The following PKD2L2 variants were observed in gnomAD, a reference collection of about 807,000 sequenced individuals.
The protein encoded by PKD2L2 is polycystin-2-like protein 2.
PKD2L2 carries 67 observed loss-of-function variants against 83.9 expected under a neutral mutation model. That is an observed-to-expected ratio of 0.80 (90% CI 0.66 to 0.98). The LOEUF is 0.98. PKD2L2 is among the 50% of genes least tolerant of loss of function. The pLI, the probability that PKD2L2 is intolerant of heterozygous loss-of-function variation, is 0.00. For missense variants in PKD2L2, 632 were observed against 717.2 expected, an observed-to-expected ratio of 0.88 and a Z score of 1.36; for synonymous variants, 223 against 237.8, an observed-to-expected ratio of 0.94 and a Z score of 0.57.
intron 5 of PKD2L2, among the ~76,000 whole-genome samples, chr5:137,903,231 T>C (rs1757105206): frequency 1.3e-5 from 2 of 152,210 alleles, no homozygotes; most frequent in Non-Finnish European, 2.9e-5. Context: ...ATGGCAGTTG[T>C]AGAGGTCCCA....
At chr5:137,893,397 T>G (rs1285031721) in intron 3 of PKD2L2, among the ~76,000 whole-genome samples, 1 of 152,190 alleles carries the variant, frequency 6.6e-6, no homozygotes, top group Admixed American at 6.5e-5. Context: ...CATAGCAACA[T>G]GCTCACATTA....
At chr5:137,901,085 G>A (rs543190181) in intron 5 of PKD2L2, among the ~76,000 whole-genome samples, 8 of 151,360 alleles carry the variant, frequency 5.3e-5, no homozygotes, top group East Asian at 3.9e-4. Flanking sequence ...GTGGTGAGCC[G>A]AGATAGCGCC....
Position 137,892,605 on chromosome 5 carries a change from T to G in PKD2L2, c.259T>G (p.Phe87Val), listed in dbSNP as rs1362312883. Residue 87 changes from phenylalanine (F) to valine (V), a missense_variant, in exon 3 of 15, where the codon TTT becomes GTT. Phe to Val is a conservative substitution (Grantham distance 50). Transcript: ENST00000508883. ...NFKSIRSITDFWKFMEGPLLE... is the reference protein window; with the variant it reads ...NFKSIRSITDVWKFMEGPLLE... ...TAAGTCCATTCGCAGCATAACTGAT[T>G]TTTGGAAGGTAAAGTATCTTGTGAC... 6.2e-7 allele frequency: 1 copy of G among 1,611,066 alleles called. No homozygotes were observed. Among genetic ancestry groups the G allele is most frequent in the Non-Finnish European group, 8.5e-7 (1 of 1,179,104 alleles).
At chr5:137,905,444 G>A (rs972162153) in intron 5 of PKD2L2, among the ~76,000 whole-genome samples, 28 of 152,170 alleles carry the variant, frequency 1.8e-4, no homozygotes, top group African/African-American at 6.7e-4. Flanking sequence ...GTTAACTGAG[G>A]TTTTGTTTTT....
intron 8 of PKD2L2, among the ~76,000 whole-genome samples, chr5:137,910,266 AT>A (rs1302083636): frequency 6.1e-5 from 9 of 148,114 alleles, no homozygotes; most frequent in Non-Finnish European, 9.0e-5. Context: ...AATAATAATA[AT>A]AATAATAAAA....
chr5:137,936,998 C>T (rs28589853), intron 14 of PKD2L2, among the ~76,000 whole-genome samples: 87 of 152,268 alleles, frequency 5.7e-4, no homozygotes, highest in African/African-American at 2.0e-3. Flanking sequence ...CAAGAAAATG[C>T]TTCTAGTTCA....
intron 8 of PKD2L2, among the ~76,000 whole-genome samples, chr5:137,910,188 T>C (rs535534894): frequency 1.3e-5 from 2 of 151,014 alleles, no homozygotes; most frequent in South Asian, 4.2e-4. Flanking sequence ...ATCACACCAC[T>C]GCACTCCAGC....
intron 8 of PKD2L2, among the ~76,000 whole-genome samples, chr5:137,918,967 T>TGTGTGA (rs1554108511): frequency 7.4e-5 from 11 of 148,042 alleles, no homozygotes; most frequent in Admixed American, 2.0e-4. Flanking sequence ...TGTGTGTGTG[T>TGTGTGA]GAGTGTGTGT....
rs765069072 is a variant in PKD2L2 at position 137,889,528 on chromosome 5, G to A, written c.31+6G>A. 3 of 1,552,146 alleles carry A rather than the reference G, an allele frequency of 1.9e-6. No individual in the cohort carries two copies. The African/African-American group carries it at 4.3e-5, about 22-fold the overall frequency. ...GTCACGGTGGCACCGAGGCGGTGAG[G>A]GGTCCTCTTAAGGAGTGGGAGGGAC... On this transcript the variant is annotated splice_donor_region_variant and intron_variant, in intron 1 of 14. Coordinates refer to ENST00000508883, the MANE Select transcript of PKD2L2 (RefSeq NM_001300921.2).
chr5:137,889,914 T>C (rs1755801512), intron 1 of PKD2L2: 2 of 235,388 alleles, frequency 8.5e-6, no homozygotes, highest in African/African-American at 4.5e-5. Context: ...AGAAAACGGT[T>C]AGGACAGATG....
intron 6 of PKD2L2, 119 bp from the exon 7 acceptor site, chr5:137,907,623 A>G: frequency 2.0e-6 from 1 of 488,822 alleles, no homozygotes; most frequent in Non-Finnish European, 3.6e-6. Context: ...CATATGTCCT[A>G]TCTTTCCTTC....
intron 8 of PKD2L2, among the ~76,000 whole-genome samples, chr5:137,910,231 C>CAATAAT (rs67797320): frequency 0.057 from 7,949 of 138,808 alleles, 321 homozygotes; most frequent in East Asian, 0.13. Flanking sequence ...ATCTCTAAAA[C>CAATAAT]AATAATAATA....
chr5:137,925,930 G>T lies in PKD2L2; in HGVS notation c.1671+1G>T. The T allele has an allele frequency of 1.4e-5, 22 of 1,577,608 alleles. No homozygotes were observed. The highest frequency in any genetic ancestry group is 1.8e-5 in the Non-Finnish European group (21 of 1,150,286). ...CAGAAGAGAAGGCTTTGACGAAAAT[G>T]TAAGATTTTAATTTTTTTCATAAAC... is the stretch of plus-strand genomic sequence containing the variant. On this transcript the variant is annotated splice_donor_variant, in intron 12 of 14. Transcript: ENST00000508883. LOFTEE classifies it high-confidence loss of function.
intron 8 of PKD2L2, among the ~76,000 whole-genome samples, chr5:137,917,004 T>C (rs1758419217): frequency 6.6e-6 from 1 of 152,102 alleles, no homozygotes; most frequent in Non-Finnish European, 1.5e-5. Context: ...GATGTTTAAA[T>C]TCATATTGTT....
chr5:137,918,440 TGGA>T (rs527369640), intron 8 of PKD2L2, among the ~76,000 whole-genome samples: 110 of 152,264 alleles, frequency 7.2e-4, no homozygotes, highest in Admixed American at 1.4e-3. Flanking sequence ...CTTGCAACAA[TGGA>T]GGAGATGCAA....
chr5:137,893,018 A>G (rs1261960770), intron 3 of PKD2L2, among the ~76,000 whole-genome samples: 3 of 152,228 alleles, frequency 2.0e-5, no homozygotes, highest in African/African-American at 4.8e-5. Flanking sequence ...ACAGTGAGCC[A>G]AGATCATGCC....
rs556956890 is a variant in PKD2L2, at chr5:137,891,469, GA to G, written c.133+901del. Among the ~76,000 whole-genome samples the G allele has an allele frequency of 2.9e-3, 346 of 119,196 alleles. 2 individuals are homozygous for G. Among genetic ancestry groups the G allele is most frequent in the African/African-American group, 5.6e-3 (180 of 32,012 alleles). The allele number at this position is 119,196 out of a possible 152,430, so 78.2% of individuals were successfully genotyped here. On this transcript the variant is annotated intron_variant, in intron 2 of 14. Coordinates refer to ENST00000508883, the MANE Select transcript of PKD2L2 (RefSeq NM_001300921.2). ...TGACAGGCTGAGACCCTGTCCCAAG[GA>G]AAAAAAAAAAAAAGATAACTGTAGG...
Position 137,891,498 on chromosome 5 carries a change from A to G in PKD2L2, c.133+916A>G, listed in dbSNP as rs62374126. Reference sequence around the variant, plus strand: ...AAAAAAAAAAAGATAACTGTAGGCAACTTTATAAATTAAGATATCTTAGAC... The same window carrying G: ...AAAAAAAAAAAGATAACTGTAGGCAGCTTTATAAATTAAGATATCTTAGAC... On this transcript the variant is annotated intron_variant, in intron 2 of 14. Coordinates refer to ENST00000508883, the MANE Select transcript of PKD2L2 (RefSeq NM_001300921.2). Among the ~76,000 whole-genome samples the G allele has an allele frequency of 7.6e-3, 1,155 of 152,156 alleles. 6 individuals carry two copies. Among genetic ancestry groups the G allele is most frequent in the Non-Finnish European group, 0.013 (900 of 67,982 alleles).
chr5:137,894,357 T>C lies in PKD2L2; in HGVS notation c.272T>C (p.Met91Thr). Residue 91 changes from methionine to threonine, a missense_variant, in exon 4 of 15, where the codon ATG (methionine) becomes ACG (threonine). By Grantham distance (81) the Met-to-Thr change is moderately conservative. Coordinates refer to ENST00000508883, the MANE Select transcript of PKD2L2 (RefSeq NM_001300921.2). Reference protein sequence around the residue: ...IRSITDFWKFMEGPLLEGLYW... With the variant: ...IRSITDFWKFTEGPLLEGLYW... ...CATTTGTTTTTCTCTGTGGAGTTTA[T>C]GGAAGGACCCCTTTTGGAAGGTCTG... 1 of 1,598,896 alleles carries C rather than the reference T, an allele frequency of 6.3e-7. No homozygotes were observed. Among genetic ancestry groups the C allele is most frequent in the Non-Finnish European group, 8.5e-7 (1 of 1,176,730 alleles).
Sources: allele counts gnomAD v4.1 joint callset (sites outside exome capture counted in the v4.1 genomes callset), GRCh38; gene constraint gnomAD v4.1.1; transcripts MANE v1.5; gene names NCBI Gene and HGNC (gene_info 2026-07-23, HGNC 2026-07-21).